SIM1: variants seen among roughly 807,000 people sequenced by gnomAD.
SIM1 encodes SIM bHLH transcription factor 1.
SIM1 carries 18 observed loss-of-function variants against 78.2 expected under a neutral mutation model. The ratio of observed to expected loss-of-function variants is 0.23; its 90% CI spans 0.16 to 0.34. The LOEUF (loss-of-function observed/expected upper bound fraction) is 0.34, where lower values mean the gene tolerates loss of function less well. Among genes scored for constraint, SIM1 ranks in the 10% least tolerant of loss-of-function variants. SIM1 has a pLI of 1.00. For synonymous variants in SIM1, 417 were observed against 385.2 expected, an observed-to-expected ratio of 1.08 and a Z score of -0.97; for missense variants, 939 against 975.1, an observed-to-expected ratio of 0.96 and a Z score of 0.49.
chr6:100,449,299 G>T (rs1040541586), intron 6 of SIM1, 64 bp downstream of exon 6: 28 of 1,381,262 alleles, frequency 2.0e-5, no homozygotes, highest in Non-Finnish European at 2.8e-5. Flanking sequence ...TTCCTCCCAC[G>T]CCGCACGCGC....
chr6:100,457,146 G>A (rs1772686091), intron 2 of SIM1, among the ~76,000 whole-genome samples: 1 of 152,208 alleles, frequency 6.6e-6, no homozygotes, highest in African/African-American at 2.4e-5. Context: ...ATATATTACA[G>A]ACCCGACATC....
At position 100,463,450 on chromosome 6, in the gene SIM1, T is replaced by A; in HGVS notation, c.19A>T (p.Asn7Tyr). 1 of 1,607,348 alleles carries A rather than the reference T, an allele frequency of 6.2e-7. No homozygotes were observed. Reference protein sequence around the residue: MKEKSKNAARTRREKEN... With the variant: MKEKSKYAARTRREKEN... ...TTCTCCCTCCTAGTCCGCGCAGCATTTTTGGACTTTTCTTTCATTGTGTCT... is the reference window on the plus strand; with the variant it reads ...TTCTCCCTCCTAGTCCGCGCAGCATATTTGGACTTTTCTTTCATTGTGTCT... Residue 7 changes from asparagine to tyrosine, a missense_variant, in exon 2 of 12, where the codon AAT (asparagine) becomes TAT (tyrosine). Physicochemically the swap from Asn to Tyr is moderately radical, Grantham distance 143. This residue lies in a region of SIM1 where 121 missense variants were observed against 124.6 expected (regional missense o/e 0.97). Coordinates refer to ENST00000369208, the MANE Select transcript of SIM1 (RefSeq NM_005068.3).
At chr6:100,458,004 C>T (rs1772719298) in intron 2 of SIM1, among the ~76,000 whole-genome samples, 1 of 85,100 alleles carries the variant, frequency 1.2e-5, no homozygotes, top group Non-Finnish European at 2.5e-5. Flanking sequence ...CTGTCTCTCT[C>T]TTTCTCTCTC....
Position 100,463,544 on chromosome 6 carries a change from A to G in SIM1, c.-76T>C. 2.1e-6 allele frequency: 3 copies of G among 1,399,278 alleles called. No individual in the cohort carries two copies. Among genetic ancestry groups the G allele is most frequent in the Non-Finnish European group, 2.9e-6 (3 of 1,020,594 alleles). The allele number at this position is 1,399,278 out of a possible 1,614,324, so 86.7% of individuals were successfully genotyped here. A position where few individuals can be genotyped will look rare whatever the true frequency, so the allele number is the denominator to read the frequency against. On this transcript the variant is annotated 5_prime_UTR_variant, in exon 2 of 12. An upstream open reading frame in the 5' UTR loses its in-frame stop. Transcript: ENST00000369208. The stretch of plus-strand genomic sequence containing the variant: ...CAAAACCAAAAATAAACTTTCAATT[A>G]GAGATCATATTTGGCAAAAACATAA...
chr6:100,448,531 T>G lies in SIM1; in HGVS notation c.691A>C (p.Met231Leu). The change falls in exon 7 of 12, where the codon ATG (methionine) becomes CTG (leucine). Residue 231 changes from methionine to leucine, a missense_variant. By Grantham distance (15) the Met-to-Leu change is conservative (BLOSUM62 2). Transcript: ENST00000369208. ...AVTEIKLHSN[M>L]FMFRASLDMK... is the part of the protein sequence containing the mutation. ...TCCAGGCTGGCGCGGAACATAAACA[T>G]ATTGCTGTGTAGCTTGATCTCCGTG... is the stretch of plus-strand genomic sequence containing the variant. 5 of 1,613,984 alleles carry G rather than the reference T, an allele frequency of 3.1e-6. No homozygotes were observed. Among genetic ancestry groups the G allele is most frequent in the Non-Finnish European group, 4.2e-6 (5 of 1,180,004 alleles).
chr6:100,448,060 G>T, intron 8 of SIM1, 86 bp downstream of exon 8: 2 of 1,112,730 alleles, frequency 1.8e-6, no homozygotes, highest in Non-Finnish European at 2.6e-6. Flanking sequence ...CTGTCCTCTT[G>T]CGAGGGATTT....
rs201603380 is a variant in SIM1 at position 100,418,922 on chromosome 6, TTTGGGAGGC to T, written c.1167+1859_1167+1867del. Among the ~76,000 whole-genome samples the T allele has an allele frequency of 8.0e-3, 1,218 of 152,134 alleles. 13 individuals are homozygous for T. Among genetic ancestry groups the T allele is most frequent in the Non-Finnish European group, 0.014 (931 of 67,968 alleles). ...GTGGCTCATGTCTGTAATCCCAGAC[TTTGGGAGGC>T]TGAGGCGAGCAGATTGCCTAAGGTC... On this transcript the variant is annotated intron_variant, in intron 10 of 11. Transcript: ENST00000369208.
At chr6:100,412,556 AAAG>A (rs1562239361) in intron 10 of SIM1, among the ~76,000 whole-genome samples, 132 of 5,414 alleles carry the variant, frequency 0.024, 4 homozygotes, top group African/African-American at 0.057. Flanking sequence ...GAAAGAAAGA[AAAG>A]AAAGAAAGAA....
intron 2 of SIM1, among the ~76,000 whole-genome samples, chr6:100,461,464 C>T (rs919438723): frequency 6.6e-6 from 1 of 152,232 alleles, no homozygotes; most frequent in Non-Finnish European, 1.5e-5. Flanking sequence ...TATTCTTCTC[C>T]TCCCGCGATT....
intron 7 of SIM1, 84 bp downstream of exon 7, chr6:100,448,395 T>C: frequency 6.8e-7 from 1 of 1,467,374 alleles, no homozygotes; most frequent in Non-Finnish European, 9.3e-7. Flanking sequence ...CAAAATGGGC[T>C]CATAGGATAG....
chr6:100,460,041 A>G (rs2114557608), intron 2 of SIM1, among the ~76,000 whole-genome samples: 1 of 152,332 alleles, frequency 6.6e-6, no homozygotes, highest in South Asian at 2.1e-4. Context: ...ATGAAGTGTT[A>G]GTGATTTCTC....
chr6:100,424,003 T>C (rs1562244887), intron 9 of SIM1, among the ~76,000 whole-genome samples: 1 of 152,094 alleles, frequency 6.6e-6, no homozygotes, highest in Non-Finnish European at 1.5e-5. Context: ...AGGGATTTTA[T>C]GGCTATAAGC....
Position 100,390,487 on chromosome 6 carries a change from T to C in SIM1, c.2175A>G (p.Glu725=), listed in dbSNP as rs1308655697. ...AGCCCAAGGAATAGTTTCTAATGGT[T>C]TCGCTGTCATATAAGTGCTCCAGGG... ...GYALEHLYDS[E]TIRNYSLGCN... is the part of the protein sequence containing the mutation. Residue 725 remains glutamate (E), a synonymous_variant, in exon 12 of 12, where the codon GAA becomes GAG. Coordinates refer to ENST00000369208, the MANE Select transcript of SIM1 (RefSeq NM_005068.3). 1 of 1,614,148 alleles carries C rather than the reference T, an allele frequency of 6.2e-7. No homozygotes were observed. Among genetic ancestry groups the C allele is most frequent in the Non-Finnish European group, 8.5e-7 (1 of 1,180,018 alleles).
intron 6 of SIM1, 141 bp downstream of exon 6, chr6:100,449,222 G>C (rs552551322): frequency 1.5e-6 from 1 of 671,954 alleles, no homozygotes; most frequent in South Asian, 1.8e-5. Flanking sequence ...CTCGTGGAGA[G>C]TCCTGGCCTG....
rs1302705463 is a variant in SIM1, at chr6:100,387,517, T to C, written c.*2844A>G. 1 of 152,044 alleles carries C rather than the reference T, an allele frequency of 6.6e-6. No individual in the cohort carries two copies. The highest frequency in any genetic ancestry group is 6.6e-5 in the Admixed American group (1 of 15,254). The allele number at this position is 152,044 out of a possible 1,614,324, so 9.4% of individuals were successfully genotyped here. A position where few individuals can be genotyped will look rare whatever the true frequency, so the allele number is the denominator to read the frequency against. On this transcript the variant is annotated 3_prime_UTR_variant, in exon 12 of 12. Coordinates refer to ENST00000369208, the MANE Select transcript of SIM1 (RefSeq NM_005068.3). ...CTTACCTTGGGTCATTTTGTGATAA[T>C]CATGCCATATTGCAAAAAATGTAAG...
intron 9 of SIM1, among the ~76,000 whole-genome samples, chr6:100,440,859 C>G (rs1037410961): frequency 2.0e-5 from 3 of 152,118 alleles, no homozygotes; most frequent in African/African-American, 7.2e-5. Flanking sequence ...ATCCCACCCC[C>G]CACCACACAC....
chr6:100,461,972 G>A (rs146746431), intron 2 of SIM1, among the ~76,000 whole-genome samples: 1 of 151,470 alleles, frequency 6.6e-6, no homozygotes, highest in Non-Finnish European at 1.5e-5. Flanking sequence ...ATCACTTGTA[G>A]TTTGAAGGTA....
In SIM1 at chr6:100,463,246, C is replaced by T. The variant is rs751446458; in HGVS notation, c.175+48G>A. On this transcript the variant is annotated intron_variant, in intron 2 of 11. Coordinates refer to ENST00000369208, the MANE Select transcript of SIM1 (RefSeq NM_005068.3). ...GATGTCGGCTCATTGCCTGGCAAAT[C>T]CCCGGCCCCTTCTGCCTTTGAAATT... The T allele has an allele frequency of 3.3e-6, 5 of 1,531,096 alleles. No individual in the cohort carries two copies. In the East Asian group the frequency reaches 1.1e-4, roughly 35 times the overall value. The allele number at this position is 1,531,096 out of a possible 1,614,324, so 94.8% of individuals were successfully genotyped here. A position where few individuals can be genotyped will look rare whatever the true frequency, so the allele number is the denominator to read the frequency against.
intron 10 of SIM1, among the ~76,000 whole-genome samples, chr6:100,411,226 G>T (rs1026493277): frequency 5.3e-5 from 8 of 152,154 alleles, no homozygotes; most frequent in African/African-American, 1.7e-4. Context: ...AACTGCCGAT[G>T]CAATTATTTT....
Sources: allele counts gnomAD v4.1 joint callset (sites outside exome capture counted in the v4.1 genomes callset), GRCh38; gene constraint gnomAD v4.1.1; regional missense constraint gnomAD v4.1.1; transcripts MANE v1.5; gene names NCBI Gene and HGNC (gene_info 2026-07-23, HGNC 2026-07-21).